The following WDR19 variants were observed in gnomAD, a reference collection of about 807,000 sequenced individuals.
WDR19 encodes the protein WD repeat domain 19.
WDR19 carries 121 observed loss-of-function variants against 180.0 expected under a neutral mutation model. That is an observed-to-expected ratio of 0.67 (90% CI 0.58 to 0.78). The LOEUF (loss-of-function observed/expected upper bound fraction) is 0.78, where lower values mean the gene tolerates loss of function less well. Among genes scored for constraint, WDR19 ranks in the 30% least tolerant of loss-of-function variants. The pLI is 0.00. For synonymous variants in WDR19, 497 were observed against 540.7 expected, an observed-to-expected ratio of 0.92 and a Z score of 1.12; for missense variants, 1,450 against 1,640.7, an observed-to-expected ratio of 0.88 and a Z score of 2.01.
rs746781982 is a variant in WDR19, at chr4:39,228,565, C to G, written c.1857C>G (p.Thr619=). 1.2e-6 allele frequency: 2 copies of G among 1,613,910 alleles called. No homozygotes were observed. Among genetic ancestry groups the G allele is most frequent in the South Asian group, 2.2e-5 (2 of 91,076 alleles). The change falls in exon 17 of 37, where the codon ACC becomes ACG. Residue 619 remains threonine, a synonymous_variant. Coordinates refer to ENST00000399820, the MANE Select transcript of WDR19 (RefSeq NM_025132.4). ...KPLLLYNGEL[T]CQTQSGKVNN... is the part of the protein sequence containing the mutation. ...TGCTGCTATATAATGGAGAGCTGACCTGCCAAACACAGAGTGGAAAAGTAA... is the reference window on the plus strand; with the variant it reads ...TGCTGCTATATAATGGAGAGCTGACGTGCCAAACACAGAGTGGAAAAGTAA...
At chr4:39,227,058 G>A (rs891584754) in intron 15 of WDR19, among the ~76,000 whole-genome samples, 3 of 152,088 alleles carry the variant, frequency 2.0e-5, no homozygotes. Context: ...TATAAAAAAA[G>A]TAATGAGATA....
chr4:39,215,867 G>A lies in WDR19; in HGVS notation c.988G>A (p.Asp330Asn), dbSNP rs762383451. 6.2e-7 allele frequency: 1 copy of A among 1,613,514 alleles called. No individual in the cohort carries two copies. Among genetic ancestry groups the A allele is most frequent in the Non-Finnish European group, 8.5e-7 (1 of 1,179,686 alleles). The stretch of plus-strand genomic sequence containing the variant: ...ATTGGGTACCTTGTCCTGGACTGAT[G>A]ATGGCCAGTTGCTAGCACTCTCTAC... ...KGLGTLSWTD[D>N]GQLLALSTQR... is the part of the protein sequence containing the mutation. Residue 330 changes from aspartate (D) to asparagine (N), a missense_variant, in exon 11 of 37, where the codon GAT becomes AAT. Asp to Asn is a conservative substitution (Grantham distance 23). Transcript: ENST00000399820.
In WDR19 at chr4:39,231,857, G is replaced by C; in HGVS notation, c.2043G>C (p.Leu681Phe). The C allele has an allele frequency of 1.2e-6, 2 of 1,610,986 alleles. No homozygotes were observed. Among genetic ancestry groups the C allele is most frequent in the South Asian group, 2.2e-5 (2 of 90,916 alleles). Residue 681 changes from leucine (L) to phenylalanine (F), a missense_variant, in exon 18 of 37, where the codon TTG (leucine) becomes TTC (phenylalanine). By Grantham distance (22) the Leu-to-Phe change is conservative. Coordinates refer to ENST00000399820, the MANE Select transcript of WDR19 (RefSeq NM_025132.4). ...ATGATGAGGCTGCCTGGAATGAGTT[G>C]GCCAGAGCTTGTCTACATCACATGG... ...ILNDEAAWNE[L>F]ARACLHHMEV...
chr4:39,219,682 T>TTAGTAGGCA (rs1560505528), intron 14 of WDR19, among the ~76,000 whole-genome samples: 1 of 152,188 alleles, frequency 6.6e-6, no homozygotes, highest in Non-Finnish European at 1.5e-5. Flanking sequence ...ATGCGTGCAT[T>TTAGTAGGCA]TAGTAGGCAT....
At chr4:39,257,771 A>G (rs1028327013) in intron 28 of WDR19, among the ~76,000 whole-genome samples, 1 of 151,948 alleles carries the variant, frequency 6.6e-6, no homozygotes, top group Non-Finnish European at 1.5e-5. Context: ...CACAGTCACC[A>G]TATCATTTCA....
At chr4:39,211,856 T>G (rs1728541639) in intron 9 of WDR19, among the ~76,000 whole-genome samples, 2 of 152,010 alleles carry the variant, frequency 1.3e-5, no homozygotes, top group African/African-American at 4.8e-5. Flanking sequence ...GATCTATTGT[T>G]TAATGAAATT....
chr4:39,232,225 G>A lies in WDR19; in HGVS notation c.2206G>A (p.Ala736Thr), dbSNP rs775642065. 15 of 1,613,544 alleles carry A rather than the reference G, an allele frequency of 9.3e-6. No individual in the cohort carries two copies. The South Asian group carries it at 1.5e-4, about 17-fold the overall frequency. The change falls in exon 19 of 37, where the codon GCT (alanine) becomes ACT (threonine). Residue 736 changes from alanine (A) to threonine (T), a missense_variant. Ala to Thr is a moderately conservative substitution (Grantham distance 58). Transcript: ENST00000399820. ...CATGTTTACCAACGATTATAACCTG[G>A]CTCAGGACTTGTACCTTGCATCCAG... The part of the protein sequence containing the change: ...LAMFTNDYNL[A>T]QDLYLASSCP...
chr4:39,251,754 A>G (rs1733216692), intron 24 of WDR19, among the ~76,000 whole-genome samples: 1 of 152,206 alleles, frequency 6.6e-6, no homozygotes, highest in South Asian at 2.1e-4. Flanking sequence ...AACACATGAA[A>G]AAATGCTCAT....
At chr4:39,246,278 A>G (rs1369365835) in intron 24 of WDR19, among the ~76,000 whole-genome samples, 22 of 152,170 alleles carry the variant, frequency 1.4e-4, no homozygotes, top group Admixed American at 1.4e-3. Context: ...GGCCAAGGCA[A>G]GAGGATCACT....
intron 9 of WDR19, among the ~76,000 whole-genome samples, chr4:39,214,187 G>T (rs1728824287): frequency 6.6e-6 from 1 of 151,952 alleles, no homozygotes; most frequent in Non-Finnish European, 1.5e-5. Context: ...ACTTCCTTTT[G>T]TATGAAAGAA....
At chr4:39,209,986 C>A (rs1051760974) in intron 9 of WDR19, among the ~76,000 whole-genome samples, 12 of 152,074 alleles carry the variant, frequency 7.9e-5, no homozygotes, top group African/African-American at 2.9e-4. Flanking sequence ...GAAAACAGAT[C>A]ATCTGGATTA....
chr4:39,264,727 C>G (rs553550143), intron 28 of WDR19, among the ~76,000 whole-genome samples: 1 of 152,226 alleles, frequency 6.6e-6, no homozygotes, highest in African/African-American at 2.4e-5. Context: ...TGGCTCACCC[C>G]TTTTTAATAG....
At chr4:39,185,902 G>GTT (rs1047316810) in intron 2 of WDR19, 85 bp downstream of exon 2, 1 of 827,506 alleles carries the variant, frequency 1.2e-6, no homozygotes, top group African/African-American at 2.5e-5. Context: ...TTTTGTTGTT[G>GTT]TTTTTTTTTT....
At chr4:39,242,738 G>A (rs566111007) in intron 21 of WDR19, among the ~76,000 whole-genome samples, 1 of 152,216 alleles carries the variant, frequency 6.6e-6, no homozygotes, top group East Asian at 1.9e-4. Context: ...TGCGATCCTG[G>A]CTCACTGCAA....
At chr4:39,252,516 A>T (rs1176069734) in intron 24 of WDR19, among the ~76,000 whole-genome samples, 1 of 133,062 alleles carries the variant, frequency 7.5e-6, no homozygotes. Flanking sequence ...AATAATAAAA[A>T]ATAATAAAAA....
chr4:39,277,470 G>T (rs1234131364), intron 34 of WDR19, among the ~76,000 whole-genome samples: 4 of 152,212 alleles, frequency 2.6e-5, no homozygotes, highest in Admixed American at 6.5e-5. Flanking sequence ...ATCCTGGCAG[G>T]CTGCAGCACT....
chr4:39,203,749 C>A, intron 7 of WDR19, 27 bp downstream of exon 7: 9 of 1,577,368 alleles, frequency 5.7e-6, no homozygotes, highest in Non-Finnish European at 7.8e-6. Context: ...AATCCACGTG[C>A]AAATCATTTG....
Position 39,257,477 on chromosome 4 carries a change from G to A in WDR19, c.3115-9G>A, listed in dbSNP as rs1158036024. On this transcript the variant is annotated splice_polypyrimidine_tract_variant and intron_variant, in intron 27 of 36. Transcript: ENST00000399820. Reference sequence around the variant, plus strand: ...TGAAAATTTTTAATTGCTGTAATTCGCTTTTCAGGCACTTAAACACTTCCT... The same window carrying A: ...TGAAAATTTTTAATTGCTGTAATTCACTTTTCAGGCACTTAAACACTTCCT... The A allele has an allele frequency of 5.1e-6, 8 of 1,569,630 alleles. No individual in the cohort carries two copies. Among genetic ancestry groups the A allele is most frequent in the African/African-American group, 1.4e-5 (1 of 73,838 alleles).
At chr4:39,189,141 C>G (rs1327409680) in intron 3 of WDR19, among the ~76,000 whole-genome samples, 1 of 152,112 alleles carries the variant, frequency 6.6e-6, no homozygotes, top group Non-Finnish European at 1.5e-5. Context: ...TCAAGCTGGT[C>G]CCGAACTCCT....
Sources: allele counts gnomAD v4.1 joint callset (sites outside exome capture counted in the v4.1 genomes callset), GRCh38; gene constraint gnomAD v4.1.1; transcripts MANE v1.5; gene names NCBI Gene and HGNC (gene_info 2026-07-23, HGNC 2026-07-21).